RNF4: variants seen among roughly 807,000 people sequenced by gnomAD.
RNF4 encodes the protein ring finger protein 4.
In RNF4, 7 loss-of-function variants were observed where a neutral mutation model predicts 24.3. The observed-to-expected ratio is 0.29, with a 90% CI of 0.16 to 0.54. RNF4 has a LOEUF of 0.54. RNF4 is among the 20% of genes least tolerant of loss of function. RNF4 has a pLI of 0.95. For synonymous variants in RNF4, 83 were observed against 84.3 expected (o/e 0.98, Z 0.09); for missense variants, 209 against 248.5 (o/e 0.84, Z 1.07).
At chr4:2,490,592 A>C in intron 2 of RNF4, 90 bp downstream of exon 2, 1 of 1,379,320 alleles carries the variant, frequency 7.2e-7, no homozygotes, top group East Asian at 2.4e-5. Flanking sequence ...TGAGTTCCAT[A>C]ATGTCACTTC....
chr4:2,511,912 C>G (rs1321850551), intron 4 of RNF4, 44 bp from the exon 5 acceptor site: 5 of 1,576,230 alleles, frequency 3.2e-6, no homozygotes, highest in Non-Finnish European at 4.3e-6. Flanking sequence ...TTATATCAAA[C>G]TGATTGCTTC....
At chr4:2,511,934 T>C (rs762231618) in intron 4 of RNF4, 22 bp from the exon 5 acceptor site, 3 of 1,599,150 alleles carry the variant, frequency 1.9e-6, no homozygotes, top group Non-Finnish European at 2.6e-6. Flanking sequence ...TTCTCTTTTG[T>C]TTTTCTCCTT....
At chr4:2,471,972 T>C (rs1294352908) in intron 1 of RNF4, among the ~76,000 whole-genome samples, 1 of 152,124 alleles carries the variant, frequency 6.6e-6, no homozygotes, top group African/African-American at 2.4e-5. Context: ...GCTAAAATAA[T>C]TGATGAAGGT....
At chr4:2,507,394 T>C (rs1259656619) in intron 4 of RNF4, among the ~76,000 whole-genome samples, 2 of 152,230 alleles carry the variant, frequency 1.3e-5, no homozygotes, top group East Asian at 3.8e-4. Context: ...ACAATGTGAT[T>C]GTCCGCACCA....
At chr4:2,487,781 A>G (rs1735455491) in intron 1 of RNF4, among the ~76,000 whole-genome samples, 1 of 152,174 alleles carries the variant, frequency 6.6e-6, no homozygotes, top group Non-Finnish European at 1.5e-5. Flanking sequence ...GCCTAAGGAG[A>G]TGCAAGTCAC....
chr4:2,471,831 A>G (rs1373330497), intron 1 of RNF4, among the ~76,000 whole-genome samples: 1 of 152,216 alleles, frequency 6.6e-6, no homozygotes, highest in Non-Finnish European at 1.5e-5. Context: ...GAAGCTGCAG[A>G]AGAAAAGTTT....
At chr4:2,489,181 C>T (rs1735504804) in intron 1 of RNF4, among the ~76,000 whole-genome samples, 1 of 152,150 alleles carries the variant, frequency 6.6e-6, no homozygotes, top group Non-Finnish European at 1.5e-5. Flanking sequence ...CAGCCTGGCT[C>T]CACACACCAT....
chr4:2,510,526 A>T (rs968075498), intron 4 of RNF4, among the ~76,000 whole-genome samples: 1 of 152,168 alleles, frequency 6.6e-6, no homozygotes, highest in African/African-American at 2.4e-5. Flanking sequence ...GCCAGTGCCA[A>T]CACCCTCAGC....
Position 2,478,627 on chromosome 4 carries a change from G to C in RNF4, c.-158+9369G>C, listed in dbSNP as rs188193089. On this transcript the variant is annotated intron_variant, in intron 1 of 7. Coordinates refer to ENST00000314289, the MANE Select transcript of RNF4 (RefSeq NM_002938.5). ...AAGGTGCAGGCCCCAAACCTTGGCA[G>C]CTTCCACATGGTGTTGAGCCTGCGA... Among the ~76,000 whole-genome samples, 7 of 152,380 alleles carry C rather than the reference G, an allele frequency of 4.6e-5. 1 individual carries two copies. Among genetic ancestry groups the C allele is most frequent in the Admixed American group, 3.3e-4 (5 of 15,304 alleles).
At chr4:2,476,794 G>A (rs846238) in intron 1 of RNF4, among the ~76,000 whole-genome samples, 28,486 of 149,348 alleles carry the variant, frequency 0.19, 3,144 homozygotes, top group Middle Eastern at 0.29. Flanking sequence ...CAATTATATA[G>A]CACAGTACAG....
intron 2 of RNF4, among the ~76,000 whole-genome samples, chr4:2,491,175 G>C (rs907672180): frequency 6.6e-6 from 1 of 152,188 alleles, no homozygotes; most frequent in Non-Finnish European, 1.5e-5. Flanking sequence ...ATAATCCATA[G>C]TGAAAAGTTT....
chr4:2,470,034 G>T (rs1423314203), intron 1 of RNF4: 2 of 152,300 alleles, frequency 1.3e-5, no homozygotes, highest in Non-Finnish European at 2.9e-5. Flanking sequence ...GCTTGGGCAA[G>T]CCGTTTTGGT....
chr4:2,481,717 GT>G (rs917814691), intron 1 of RNF4, among the ~76,000 whole-genome samples: 1 of 151,946 alleles, frequency 6.6e-6, no homozygotes, highest in Non-Finnish European at 1.5e-5. Flanking sequence ...GTGTTTTTGT[GT>G]TTTTTTAAAG....
chr4:2,494,122 G>T (rs1735663133), intron 2 of RNF4, among the ~76,000 whole-genome samples: 1 of 152,154 alleles, frequency 6.6e-6, no homozygotes, highest in South Asian at 2.1e-4. Context: ...CTAAGTGTTT[G>T]AAATGCTTGT....
Position 2,502,522 on chromosome 4 carries a change from A to G in RNF4, c.204+1784A>G, listed in dbSNP as rs532706611. Among the ~76,000 whole-genome samples, 9 of 152,144 alleles carry G rather than the reference A, an allele frequency of 5.9e-5. No homozygotes were observed. In the East Asian group the frequency reaches 1.5e-3, roughly 26 times the overall value. ...AACATGGTGAAACCCTGTCTCTACT[A>G]AAAATACAAAAATTATGCGGACGCC... is the stretch of plus-strand genomic sequence containing the variant. On this transcript the variant is annotated intron_variant, in intron 4 of 7. Coordinates refer to ENST00000314289, the MANE Select transcript of RNF4 (RefSeq NM_002938.5).
chr4:2,500,825 C>T, intron 4 of RNF4, 87 bp downstream of exon 4: 1 of 1,253,520 alleles, frequency 8.0e-7, no homozygotes, highest in East Asian at 2.4e-5. Flanking sequence ...TCACAGACTC[C>T]AAGTCAAGGT....
chr4:2,484,489 C>G (rs934649184), intron 1 of RNF4, among the ~76,000 whole-genome samples: 2 of 151,996 alleles, frequency 1.3e-5, no homozygotes, highest in African/African-American at 4.8e-5. Context: ...CCCTGACTTA[C>G]AGTGTTTCAT....
chr4:2,501,578 G>A (rs762923953), intron 4 of RNF4, among the ~76,000 whole-genome samples: 14 of 152,234 alleles, frequency 9.2e-5, no homozygotes, highest in Non-Finnish European at 1.8e-4. Flanking sequence ...CATGGTGCAT[G>A]CAGGTCTGGG....
chr4:2,478,445 A>G (rs911580741), intron 1 of RNF4, among the ~76,000 whole-genome samples: 1 of 152,258 alleles, frequency 6.6e-6, no homozygotes, highest in Non-Finnish European at 1.5e-5. Context: ...CCCTCCCATC[A>G]TAGGCCCAGA....
Sources: gnomAD v4.1 joint callset for allele counts (sites outside exome capture counted in the v4.1 genomes callset) on GRCh38, gnomAD v4.1.1 for gene constraint, MANE v1.5 for transcripts, NCBI Gene and HGNC (gene_info 2026-07-23, HGNC 2026-07-21) for gene names.